The following NCOA2 variants were observed in gnomAD, a reference collection of about 807,000 sequenced individuals.
NCOA2 encodes class E basic helix-loop-helix protein 75.
Under a neutral mutation model 145.1 loss-of-function variants are expected in NCOA2, and 21 were observed. The ratio of observed to expected loss-of-function variants is 0.14; its 90% CI spans 0.10 to 0.21. NCOA2 has a LOEUF of 0.21. NCOA2 is among the 10% of genes least tolerant of loss of function. NCOA2 has a pLI of 1.00. For synonymous variants in NCOA2, 619 were observed against 637.5 expected (o/e 0.97, Z 0.44); for missense variants, 1,472 against 1,837.6 (o/e 0.80, Z 3.64).
intron 13 of NCOA2, among the ~76,000 whole-genome samples, chr8:70,141,831 T>C (rs1455417501): frequency 6.6e-6 from 1 of 152,228 alleles, no homozygotes; most frequent in Admixed American, 6.5e-5. Context: ...AGAAGATATC[T>C]TGAAGTCTAT....
intron 1 of NCOA2, among the ~76,000 whole-genome samples, chr8:70,341,014 C>A (rs1051171745): frequency 4.7e-5 from 7 of 149,036 alleles, no homozygotes; most frequent in Non-Finnish European, 7.4e-5. Context: ...GGCAAACTAC[C>A]ACGGCAGATG....
At chr8:70,145,709 C>T (rs1417420833) in intron 12 of NCOA2, among the ~76,000 whole-genome samples, 2 of 151,340 alleles carry the variant, frequency 1.3e-5, no homozygotes, top group Non-Finnish European at 2.9e-5. Context: ...GCTTTTAACT[C>T]CTGGGCTTAA....
chr8:70,153,828 T>C (rs1812010744), intron 11 of NCOA2, among the ~76,000 whole-genome samples: 1 of 152,364 alleles, frequency 6.6e-6, no homozygotes, highest in Middle Eastern at 3.4e-3. Context: ...ACGGAACAGC[T>C]GCTAATAGAA....
chr8:70,207,292 G>A (rs957779093), intron 4 of NCOA2, among the ~76,000 whole-genome samples: 7 of 152,108 alleles, frequency 4.6e-5, no homozygotes, highest in African/African-American at 9.7e-5. Context: ...TGTGATAGCC[G>A]GCTTGGGTCT....
At chr8:70,228,306 T>C (rs963721082) in intron 2 of NCOA2, among the ~76,000 whole-genome samples, 1 of 152,184 alleles carries the variant, frequency 6.6e-6, no homozygotes, top group Non-Finnish European at 1.5e-5. Flanking sequence ...CATAAGCATA[T>C]TGCTATCATT....
At chr8:70,283,759 T>A (rs976583540) in intron 2 of NCOA2, among the ~76,000 whole-genome samples, 3 of 152,224 alleles carry the variant, frequency 2.0e-5, no homozygotes, top group African/African-American at 7.2e-5. Context: ...TTTTTTCAGA[T>A]TTTGGAATAT....
chr8:70,233,136 G>C (rs1355070580), intron 2 of NCOA2, among the ~76,000 whole-genome samples: 10 of 151,842 alleles, frequency 6.6e-5, no homozygotes, highest in Non-Finnish European at 1.2e-4. Flanking sequence ...TGAGGCAGGA[G>C]AATCGCTTGA....
intron 1 of NCOA2, among the ~76,000 whole-genome samples, chr8:70,324,641 A>G (rs1806392771): frequency 6.6e-6 from 1 of 152,106 alleles, no homozygotes; most frequent in Non-Finnish European, 1.5e-5. Flanking sequence ...AAAAAAAAAA[A>G]GGTACTCATA....
rs767228601 is a variant in NCOA2, at chr8:70,156,003, T to C, written c.2362A>G (p.Lys788Glu). ...CCAGGCTCAAAGCTCATCTCCTCCT[T>C]CTCAGTTTTCATTGCTATTAATTTT... ...NTKLIAMKTE[K>E]EEMSFEPGDQ... The change falls in exon 11 of 23, where the codon AAG becomes GAG. Residue 788 changes from lysine to glutamate, a missense_variant. By Grantham distance (56) the Lys-to-Glu change is moderately conservative. This residue lies in a region of NCOA2 where 953 missense variants were observed against 1,062.1 expected (regional missense o/e 0.90). Coordinates refer to ENST00000452400, the MANE Select transcript of NCOA2 (RefSeq NM_006540.4). The C allele has an allele frequency of 6.3e-6, 10 of 1,594,994 alleles. No individual in the cohort carries two copies. Among genetic ancestry groups the C allele is most frequent in the African/African-American group, 4.1e-5 (3 of 73,758 alleles).
At chr8:70,281,983 T>G (rs1825920976) in intron 2 of NCOA2, among the ~76,000 whole-genome samples, 1 of 152,252 alleles carries the variant, frequency 6.6e-6, no homozygotes, top group Non-Finnish European at 1.5e-5. Context: ...ATTTTATCTT[T>G]CTCTACAACT....
the NCOA2 span, among the ~76,000 whole-genome samples, chr8:70,451,676 T>A: frequency 6.6e-6 from 1 of 152,166 alleles, no homozygotes; most frequent in African/African-American, 2.4e-5. Context: ...GTTTGATTAT[T>A]TAGATAGACT....
At chr8:70,276,464 C>A (rs1330217798) in intron 2 of NCOA2, among the ~76,000 whole-genome samples, 1 of 152,148 alleles carries the variant, frequency 6.6e-6, no homozygotes, top group East Asian at 1.9e-4. Flanking sequence ...CAAATCTCAT[C>A]ATGAATTGTA....
chr8:70,153,740 C>T (rs1417964517), intron 11 of NCOA2, among the ~76,000 whole-genome samples: 1 of 152,174 alleles, frequency 6.6e-6, no homozygotes, highest in African/African-American at 2.4e-5. Flanking sequence ...TATGGTTTTA[C>T]ATTTCACTTT....
chr8:70,403,649 T>A, intron 1 of NCOA2, 51 bp downstream of exon 1: 1 of 357,834 alleles, frequency 2.8e-6, no homozygotes, highest in Non-Finnish European at 5.0e-6. Flanking sequence ...GCCCCCCGCC[T>A]GCCGCCCGCC....
chr8:70,446,835 CCTT>C, the NCOA2 span, among the ~76,000 whole-genome samples: 1 of 152,120 alleles, frequency 6.6e-6, no homozygotes, highest in African/African-American at 2.4e-5. Flanking sequence ...CAACCTTTGT[CCTT>C]CTGGAAACTT....
At chr8:70,268,809 T>C (rs1025125599) in intron 2 of NCOA2, among the ~76,000 whole-genome samples, 9 of 152,212 alleles carry the variant, frequency 5.9e-5, no homozygotes, top group Non-Finnish European at 1.0e-4. Context: ...TAACACTAGT[T>C]ACTGGAGTAA....
intron 4 of NCOA2, among the ~76,000 whole-genome samples, chr8:70,205,637 C>T (rs1818356429): frequency 6.6e-6 from 1 of 151,962 alleles, no homozygotes; most frequent in African/African-American, 2.4e-5. Flanking sequence ...AAACAGAAGA[C>T]CCAGAAGGAG....
At chr8:70,356,755 C>T (rs185162706) in intron 1 of NCOA2, among the ~76,000 whole-genome samples, 74 of 152,284 alleles carry the variant, frequency 4.9e-4, no homozygotes, top group African/African-American at 1.6e-3. Flanking sequence ...TGCCATAATG[C>T]TTTGACAGTA....
intron 4 of NCOA2, among the ~76,000 whole-genome samples, chr8:70,198,590 G>A (rs904632820): frequency 6.6e-6 from 1 of 152,112 alleles, no homozygotes; most frequent in Non-Finnish European, 1.5e-5. Context: ...GTTAAGGTGA[G>A]AAAAGATGTC....
Sources: gnomAD v4.1 joint callset for allele counts (sites outside exome capture counted in the v4.1 genomes callset) on GRCh38, gnomAD v4.1.1 for gene constraint, gnomAD v4.1.1 regional missense constraint, MANE v1.5 for transcripts, NCBI Gene and HGNC (gene_info 2026-07-23, HGNC 2026-07-21) for gene names.